Variants in MBTPS1 observed in about 807,000 individuals in gnomAD.
MBTPS1 encodes membrane bound transcription factor peptidase, site 1, also known as membrane-bound transcription factor site-1 protease.
Under a neutral mutation model 127.8 loss-of-function variants are expected in MBTPS1, and 94 were observed. The observed-to-expected ratio is 0.74, with a 90% confidence interval of 0.62 to 0.87. MBTPS1 has a LOEUF of 0.87. MBTPS1 is among the 40% of genes least tolerant of loss of function. MBTPS1 has a pLI of 0.00. For synonymous variants in MBTPS1, 632 were observed against 509.4 expected (o/e 1.24, Z -3.24); for missense variants, 1,636 against 1,353.2 (o/e 1.21, Z -3.28).
chr16:84,093,041 C>G (rs897981564), intron 6 of MBTPS1, 147 bp downstream of exon 6: 1 of 652,200 alleles, frequency 1.5e-6, no homozygotes, highest in Non-Finnish European at 2.8e-6. Flanking sequence ...GGCAGAGGAA[C>G]AGTAAACTGA....
At chr16:84,079,851 G>A (rs2085914155) in intron 11 of MBTPS1, among the ~76,000 whole-genome samples, 1 of 152,244 alleles carries the variant, frequency 6.6e-6, no homozygotes, top group African/African-American at 2.4e-5. Context: ...AGTCGTATGT[G>A]TCTGTGCACG....
chr16:84,090,409 G>A (rs2086087756), intron 8 of MBTPS1, among the ~76,000 whole-genome samples: 1 of 152,136 alleles, frequency 6.6e-6, no homozygotes, highest in African/African-American at 2.4e-5. Context: ...TTGCCGTTAG[G>A]CCCGCCAGCA....
At chr16:84,070,544 G>A (rs1266153298) in intron 13 of MBTPS1, 44 bp downstream of exon 13, 12 of 1,595,414 alleles carry the variant, frequency 7.5e-6, no homozygotes, top group Non-Finnish European at 1.0e-5. Flanking sequence ...GAAAGGTGAT[G>A]TCAAACAGCT....
intron 11 of MBTPS1, among the ~76,000 whole-genome samples, chr16:84,077,062 C>G (rs540611147): frequency 6.6e-6 from 1 of 151,876 alleles, no homozygotes; most frequent in Non-Finnish European, 1.5e-5. Flanking sequence ...CCTGTCTCTA[C>G]TAAAAATAGA....
rs577081012 is a variant in MBTPS1, at chr16:84,066,970, A to G, written c.2229-357T>C. ...GATTCTAAAGAAACCGATTCAAAAC[A>G]TAAAGGTGATTATGTTTATAATACA... On this transcript the variant is annotated intron_variant, in intron 16 of 22. Coordinates refer to ENST00000343411, the MANE Select transcript of MBTPS1 (RefSeq NM_003791.4). 7.2e-5 allele frequency among the ~76,000 whole-genome samples: 11 copies of G among 152,240 alleles called. 1 individual carries two copies. The South Asian group carries it at 2.3e-3, about 32-fold the overall frequency.
chr16:84,103,724 C>T (rs1423215179), intron 1 of MBTPS1, among the ~76,000 whole-genome samples: 5 of 151,864 alleles, frequency 3.3e-5, no homozygotes, highest in African/African-American at 2.4e-5. Context: ...GATAAAGTAC[C>T]GTGAGGGGTT....
intron 15 of MBTPS1, 83 bp from the exon 16 acceptor site, chr16:84,067,906 C>T (rs2151146031): frequency 7.3e-7 from 1 of 1,367,748 alleles, no homozygotes; most frequent in East Asian, 2.4e-5. Context: ...TCACCAGGTA[C>T]ATGTCTCAGG....
At chr16:84,087,757 C>T (rs900610064) in intron 8 of MBTPS1, among the ~76,000 whole-genome samples, 1 of 152,172 alleles carries the variant, frequency 6.6e-6, no homozygotes. Context: ...TCCAGCAATC[C>T]AAGCCTTAAG....
At chr16:84,064,436 A>G (rs903669611) in intron 18 of MBTPS1, among the ~76,000 whole-genome samples, 1 of 152,146 alleles carries the variant, frequency 6.6e-6, no homozygotes, top group Non-Finnish European at 1.5e-5. Context: ...CCAAATTCCT[A>G]TTTTCAAATT....
At chr16:84,114,212 C>T (rs1420739290) in intron 1 of MBTPS1, among the ~76,000 whole-genome samples, 5 of 152,092 alleles carry the variant, frequency 3.3e-5, no homozygotes, top group Admixed American at 6.5e-5. Context: ...CTGCCCGCCT[C>T]GGCCTCCCAA....
At chr16:84,087,306 G>C (rs771553356) in intron 9 of MBTPS1, 52 bp downstream of exon 9, 5 of 1,414,600 alleles carry the variant, frequency 3.5e-6, no homozygotes, top group Non-Finnish European at 5.0e-6. Flanking sequence ...GGTGCCACTA[G>C]CCACAGTAGT....
At chr16:84,068,660 T>C (rs887874192) in intron 14 of MBTPS1, among the ~76,000 whole-genome samples, 1 of 152,126 alleles carries the variant, frequency 6.6e-6, no homozygotes, top group Non-Finnish European at 1.5e-5. Context: ...GAAGAAACCA[T>C]GTGCCTGGCA....
chr16:84,064,428 A>C (rs545993835), intron 18 of MBTPS1, among the ~76,000 whole-genome samples: 1 of 152,306 alleles, frequency 6.6e-6, no homozygotes, highest in African/African-American at 2.4e-5. Flanking sequence ...GGCATAACCC[A>C]AATTCCTATT....
At chr16:84,091,027 G>A (rs1013593082) in intron 7 of MBTPS1, 85 bp from the exon 8 acceptor site, 33 of 978,932 alleles carry the variant, frequency 3.4e-5, no homozygotes, top group African/African-American at 1.8e-4. Flanking sequence ...CATACACAAC[G>A]TCTAAAAACA....
In MBTPS1 at chr16:84,054,276, G is replaced by A. The variant is rs200989603; in HGVS notation, c.*173C>T. 76 of 468,586 alleles carry A rather than the reference G, an allele frequency of 1.6e-4. No homozygotes were observed. The highest frequency in any genetic ancestry group is 5.9e-4 in the Middle Eastern group (2 of 3,410). The allele number at this position is 468,586 out of a possible 1,614,324, so 29.0% of individuals were successfully genotyped here. A position where few individuals can be genotyped will look rare whatever the true frequency, so the allele number is the denominator to read the frequency against. ...CGGGATCCACAGGAATCTTCTCGAT[G>A]TACCAGGAGCCTCTGCCCATCACAG... On this transcript the variant is annotated 3_prime_UTR_variant, in exon 23 of 23. Coordinates refer to ENST00000343411, the MANE Select transcript of MBTPS1 (RefSeq NM_003791.4).
intron 1 of MBTPS1, among the ~76,000 whole-genome samples, chr16:84,115,944 GAAAA>G: frequency 6.7e-6 from 1 of 148,476 alleles, no homozygotes; most frequent in African/African-American, 2.5e-5. Context: ...TCTCCAGATT[GAAAA>G]AAAAAAAAAT....
chr16:84,057,435 A>G (rs998239243), intron 21 of MBTPS1: 1 of 152,238 alleles, frequency 6.6e-6, no homozygotes, highest in African/African-American at 2.4e-5. Context: ...AACAGTCCAC[A>G]CCCATTACCA....
chr16:84,110,391 C>A (rs1478605947), intron 1 of MBTPS1, among the ~76,000 whole-genome samples: 1 of 152,018 alleles, frequency 6.6e-6, no homozygotes, highest in African/African-American at 2.4e-5. Context: ...ACCTGAGGCA[C>A]CCCCTCTAGA....
intron 9 of MBTPS1, chr16:84,086,111 A>G (rs1247028416): frequency 6.6e-6 from 1 of 152,222 alleles, no homozygotes; most frequent in Non-Finnish European, 1.5e-5. Context: ...CTGACCATCA[A>G]ACCCAAGGAC....
Sources: gnomAD v4.1 joint callset for allele counts (sites outside exome capture counted in the v4.1 genomes callset) on GRCh38, gnomAD v4.1.1 for gene constraint, MANE v1.5 for transcripts, NCBI Gene and HGNC (gene_info 2026-07-23, HGNC 2026-07-21) for gene names.